The following SEMA5A variants were observed in gnomAD, a reference collection of about 807,000 sequenced individuals.
The protein encoded by SEMA5A is semaphorin 5A, also known as semaphorin-5A.
In SEMA5A, 55 loss-of-function variants were observed where a neutral mutation model predicts 135.5. That is an observed-to-expected ratio of 0.41 (90% confidence interval 0.33 to 0.51). The LOEUF (loss-of-function observed/expected upper bound fraction) is 0.51, where lower values mean the gene tolerates loss of function less well. SEMA5A is among the 20% of genes least tolerant of loss of function. The pLI is 0.37. For missense variants in SEMA5A, 1,290 were observed against 1,419.9 expected, an observed-to-expected ratio of 0.91 and a Z score of 1.47; for synonymous variants, 580 against 546.5, an observed-to-expected ratio of 1.06 and a Z score of -0.85.
At position 9,543,878 on chromosome 5, in the gene SEMA5A, GA is replaced by G. The variant is rs545165485; in HGVS notation, c.-175+1705del. Reference sequence around the variant, plus strand: ...ATAGAAAAAGAAATCTTTTGGAGGGGAAAAAAAAATCCATGTTTCTTTTGGT... The same window carrying G: ...ATAGAAAAAGAAATCTTTTGGAGGGGAAAAAAAATCCATGTTTCTTTTGGT... On this transcript the variant is annotated intron_variant, in intron 1 of 22. Coordinates refer to ENST00000382496, the MANE Select transcript of SEMA5A (RefSeq NM_003966.3). Among the ~76,000 whole-genome samples the G allele has an allele frequency of 2.6e-3, 388 of 149,846 alleles. 5 individuals are homozygous for G. The highest frequency in any genetic ancestry group is 4.8e-3 in the African/African-American group (194 of 40,842).
chr5:9,315,266 T>A (rs1428488239), intron 5 of SEMA5A, among the ~76,000 whole-genome samples: 1 of 152,194 alleles, frequency 6.6e-6, no homozygotes, highest in Non-Finnish European at 1.5e-5. Flanking sequence ...CTTCTATGTA[T>A]GTATGTGTAT....
intron 11 of SEMA5A, among the ~76,000 whole-genome samples, chr5:9,190,054 T>TA (rs1446962900): frequency 3.3e-5 from 5 of 152,168 alleles, no homozygotes; most frequent in Admixed American, 6.5e-5. Flanking sequence ...TCTTTCCAAT[T>TA]AAAGTTATGA....
chr5:9,053,482 C>T (rs1736709314), intron 19 of SEMA5A, among the ~76,000 whole-genome samples: 1 of 152,176 alleles, frequency 6.6e-6, no homozygotes, highest in African/African-American at 2.4e-5. Context: ...TAAATTACAG[C>T]CCATCGACCA....
rs1022522183 is a variant in SEMA5A, at chr5:9,367,063, G to A, written c.124+12760C>T. ...GTCTCTGAGCAGAACAGCCTACATC[G>A]ATCTTCGTTAAGTGATGCTGGAAGG... On this transcript the variant is annotated intron_variant, in intron 3 of 22. Transcript: ENST00000382496. Among the ~76,000 whole-genome samples the A allele has an allele frequency of 3.3e-5, 5 of 152,260 alleles. No individual in the cohort carries two copies. The East Asian group carries it at 7.7e-4, about 24-fold the overall frequency.
At chr5:9,279,744 C>T (rs1750448197) in intron 5 of SEMA5A, among the ~76,000 whole-genome samples, 1 of 151,230 alleles carries the variant, frequency 6.6e-6, no homozygotes, top group Non-Finnish European at 1.5e-5. Context: ...CTTGACTCTC[C>T]CTCTCTCTCT....
chr5:9,396,371 T>C (rs1455356472), intron 2 of SEMA5A, among the ~76,000 whole-genome samples: 1 of 152,174 alleles, frequency 6.6e-6, no homozygotes, highest in Non-Finnish European at 1.5e-5. Flanking sequence ...AGATATTTTG[T>C]GCTGGGTATA....
chr5:9,453,062 A>G (rs1014784418), intron 1 of SEMA5A, among the ~76,000 whole-genome samples: 4 of 152,354 alleles, frequency 2.6e-5, no homozygotes. Context: ...CTAAACACGT[A>G]CTTTATACCT....
intron 18 of SEMA5A, among the ~76,000 whole-genome samples, chr5:9,056,860 A>G (rs1198991007): frequency 6.6e-6 from 1 of 152,240 alleles, no homozygotes; most frequent in African/African-American, 2.4e-5. Context: ...AATAACCAAA[A>G]TTTCAGAACA....
At chr5:9,148,938 T>C (rs1742485029) in intron 12 of SEMA5A, among the ~76,000 whole-genome samples, 9 of 152,148 alleles carry the variant, frequency 5.9e-5, no homozygotes, top group Admixed American at 5.9e-4. Flanking sequence ...CAGGCTGGTC[T>C]TGAACTCCTG....
chr5:9,350,931 T>C (rs1754085676), intron 3 of SEMA5A, among the ~76,000 whole-genome samples: 1 of 152,226 alleles, frequency 6.6e-6, no homozygotes, highest in African/African-American at 2.4e-5. Flanking sequence ...AGAAAATCAT[T>C]GAACCTGACA....
intron 11 of SEMA5A, among the ~76,000 whole-genome samples, chr5:9,176,040 T>C (rs2150316406): frequency 6.6e-6 from 1 of 152,324 alleles, no homozygotes; most frequent in African/African-American, 2.4e-5. Flanking sequence ...AGTGTGTCAC[T>C]CCTGTGATTA....
chr5:9,400,501 A>ATTTTTTTTTT (rs1215358817), intron 2 of SEMA5A, among the ~76,000 whole-genome samples: 3 of 87,040 alleles, frequency 3.4e-5, no homozygotes, highest in African/African-American at 5.1e-5. Context: ...CACAATGTAC[A>ATTTTTTTTTT]TTTTTTTTTT....
intron 18 of SEMA5A, among the ~76,000 whole-genome samples, chr5:9,056,547 C>A (rs1351307003): frequency 1.3e-5 from 2 of 152,150 alleles, no homozygotes; most frequent in Non-Finnish European, 2.9e-5. Context: ...CATGGTGAAA[C>A]CCTGTCTCTA....
At chr5:9,333,440 T>A (rs1753247953) in intron 4 of SEMA5A, among the ~76,000 whole-genome samples, 1 of 152,142 alleles carries the variant, frequency 6.6e-6, no homozygotes, top group Non-Finnish European at 1.5e-5. Flanking sequence ...CATATCAGAG[T>A]AATTCGGGAT....
At chr5:9,505,144 A>AC (rs575092068) in intron 1 of SEMA5A, among the ~76,000 whole-genome samples, 1 of 152,260 alleles carries the variant, frequency 6.6e-6, no homozygotes, top group South Asian at 2.1e-4. Flanking sequence ...CTAAAACAAA[A>AC]AAAAAAAATC....
At chr5:9,217,502 C>T (rs1229737321) in intron 8 of SEMA5A, among the ~76,000 whole-genome samples, 3 of 152,160 alleles carry the variant, frequency 2.0e-5, no homozygotes, top group Non-Finnish European at 4.4e-5. Context: ...ATCTTGCAGG[C>T]ATTCTCTGTA....
intron 1 of SEMA5A, chr5:9,517,453 C>T (rs986246336): frequency 6.6e-6 from 1 of 152,226 alleles, no homozygotes; most frequent in African/African-American, 2.4e-5. Context: ...CACCTCAGAA[C>T]CCCTGGACCA....
In SEMA5A at chr5:9,252,878, T is replaced by C. The variant is rs540116112; in HGVS notation, c.271-14988A>G. Among the ~76,000 whole-genome samples the C allele has an allele frequency of 1.4e-4, 21 of 152,262 alleles. No individual in the cohort carries two copies. In the East Asian group the frequency reaches 3.9e-3, roughly 28 times the overall value. On this transcript the variant is annotated intron_variant, in intron 5 of 22. Coordinates refer to ENST00000382496, the MANE Select transcript of SEMA5A (RefSeq NM_003966.3). ...CGTGGAAGAGATGAAGATGAGGGCC[T>C]AGTGCACTCTTGGGCTCTCACCCTT...
chr5:9,119,352 G>A (rs1424341651), intron 14 of SEMA5A, among the ~76,000 whole-genome samples: 1 of 152,180 alleles, frequency 6.6e-6, no homozygotes, highest in East Asian at 1.9e-4. Context: ...TTATAGCCAA[G>A]ATAGGAAATT....
Sources: allele counts gnomAD v4.1 joint callset (sites outside exome capture counted in the v4.1 genomes callset), GRCh38; gene constraint gnomAD v4.1.1; transcripts MANE v1.5; gene names NCBI Gene and HGNC (gene_info 2026-07-23, HGNC 2026-07-21).